The following OVCH1 variants were observed in gnomAD, a reference collection of about 807,000 sequenced individuals.
OVCH1 encodes ovochymase 1, also known as ovochymase-1.
OVCH1 carries 139 observed loss-of-function variants against 138.4 expected under a neutral mutation model. That is an observed-to-expected ratio of 1.00 (90% CI 0.87 to 1.16). The LOEUF is 1.16. OVCH1 is among the 50% of genes most tolerant of loss of function. The pLI, the probability that OVCH1 is intolerant of heterozygous loss-of-function variation, is 0.00. For synonymous variants in OVCH1, 453 were observed against 467.8 expected (o/e 0.97, Z 0.41); for missense variants, 1,367 against 1,357.9 (o/e 1.01, Z -0.11).
chr12:29,469,789 C>T (rs1281151742), intron 16 of OVCH1, among the ~76,000 whole-genome samples: 1 of 151,914 alleles, frequency 6.6e-6, no homozygotes. Flanking sequence ...TGGGAGGATC[C>T]CTTGAGCCCC....
In OVCH1 at chr12:29,477,109, A is replaced by G. The variant is rs781727670; in HGVS notation, c.1370T>C (p.Ile457Thr). The change falls in exon 12 of 28, where the codon ATT becomes ACT. Residue 457 changes from isoleucine to threonine, a missense_variant. Physicochemically the swap from Ile to Thr is moderately conservative, Grantham distance 89 (BLOSUM62 -1). Coordinates refer to ENST00000318184, the Ensembl canonical transcript of OVCH1. ...GATTCCTCAGTTGCCTACCTTTATA[A>G]TGTGCTTCTCTGGAGCACAAATGAA... 3.1e-6 allele frequency: 5 copies of G among 1,606,712 alleles called. No homozygotes were observed. The Admixed American group carries it at 8.5e-5, about 27-fold the overall frequency.
intron 21 of OVCH1, among the ~76,000 whole-genome samples, chr12:29,452,648 T>C (rs965500048): frequency 6.6e-6 from 1 of 152,210 alleles, no homozygotes; most frequent in African/African-American, 2.4e-5. Flanking sequence ...GTCTTTCTAA[T>C]CTTTTTAGTT....
At chr12:29,438,759 A>T (rs1941411507) in intron 26 of OVCH1, among the ~76,000 whole-genome samples, 2 of 152,190 alleles carry the variant, frequency 1.3e-5, no homozygotes, top group African/African-American at 4.8e-5. Context: ...TATGGTTTTA[A>T]GATTACAATT....
At chr12:29,487,384 GA>G (rs1290405429) in intron 7 of OVCH1, 8 of 227,870 alleles carry the variant, frequency 3.5e-5, no homozygotes, top group Middle Eastern at 1.4e-3. Context: ...GTAGTACAGA[GA>G]AAAATCATGC....
intron 1 of OVCH1, 138 bp from the exon 2 acceptor site, chr12:29,496,812 CT>C: frequency 1.6e-6 from 1 of 629,872 alleles, no homozygotes; most frequent in South Asian, 2.3e-5. Context: ...ACATTCTTCT[CT>C]CAATATTTTC....
intron 19 of OVCH1, among the ~76,000 whole-genome samples, chr12:29,460,334 T>C (rs1272061645): frequency 1.3e-5 from 2 of 152,182 alleles, no homozygotes; most frequent in Admixed American, 1.3e-4. Flanking sequence ...AGAAAAGCCA[T>C]CCCTCAAATC....
chr12:29,485,317 T>TA (rs869216306), intron 8 of OVCH1, among the ~76,000 whole-genome samples: 5,684 of 89,670 alleles, frequency 0.063, 353 homozygotes, highest in African/African-American at 0.15. Context: ...ACCCAGTCTT[T>TA]AAAAAAAAAA....
intron 25 of OVCH1, chr12:29,439,484 GCAAAAAACAAAAAA>G (rs1271243179): frequency 1.4e-6 from 2 of 1,382,460 alleles, no homozygotes; most frequent in Admixed American, 3.1e-5. Flanking sequence ...AAAACAAAAA[GCAAAAAACAAAAAA>G]CAAACTTCTC....
At chr12:29,483,872 CA>C (rs1467980930) in intron 8 of OVCH1, among the ~76,000 whole-genome samples, 1 of 152,308 alleles carries the variant, frequency 6.6e-6, no homozygotes, top group African/African-American at 2.4e-5. Flanking sequence ...TATCTCTCCC[CA>C]CACTTCTAAC....
chr12:29,496,452 G>T, intron 2 of OVCH1, 104 bp downstream of exon 2: 1 of 1,163,256 alleles, frequency 8.6e-7, no homozygotes, highest in Non-Finnish European at 1.2e-6. Context: ...GAGCTAGAGG[G>T]GTTCAGGAGA....
exon 20 of OVCH1, chr12:29,455,276 A>G (rs1314252655): frequency 6.2e-7 from 1 of 1,613,670 alleles, no homozygotes; most frequent in Non-Finnish European, 8.5e-7. Flanking sequence ...ATCCAGTCCA[A>G]GAAGATCATC....
intron 1 of OVCH1, 35 bp downstream of exon 1, chr12:29,497,588 C>T (rs780815779): frequency 2.0e-5 from 33 of 1,611,296 alleles, no homozygotes; most frequent in Non-Finnish European, 1.0e-5. Context: ...GCTCAGCCTC[C>T]TCCGCAGTCC....
In OVCH1 at chr12:29,496,162, A is replaced by G. The variant is rs1272843105; in HGVS notation, c.281+19T>C. The stretch of plus-strand genomic sequence containing the variant: ...GCCAGGAATCAAGGCCTGACAAGTA[A>G]TGGAAATCCACAACTTACTCACTGA... On this transcript the variant is annotated intron_variant, in intron 3 of 27. Coordinates refer to ENST00000318184, the Ensembl canonical transcript of OVCH1. 3.2e-6 allele frequency: 5 copies of G among 1,577,798 alleles called. No homozygotes were observed. Among genetic ancestry groups the G allele is most frequent in the Non-Finnish European group, 4.3e-6 (5 of 1,154,748 alleles).
intron 24 of OVCH1, 97 bp downstream of exon 24, chr12:29,444,048 G>A (rs1941552806): frequency 1.3e-5 from 18 of 1,350,708 alleles, no homozygotes; most frequent in Non-Finnish European, 1.8e-5. Context: ...TGGAAAAAAG[G>A]TGAAGAATAA....
At chr12:29,406,924 AGTG>A in the OVCH1 span, among the ~76,000 whole-genome samples, 2 of 138,860 alleles carry the variant, frequency 1.4e-5, no homozygotes, top group African/African-American at 5.3e-5. Flanking sequence ...TCCCACCAAC[AGTG>A]TAAAAGTGTT....
At chr12:29,487,443 G>T (rs1027999656) in intron 7 of OVCH1, 5 of 375,092 alleles carry the variant, frequency 1.3e-5, no homozygotes, top group Non-Finnish European at 2.4e-5. Flanking sequence ...TATTCTCAAG[G>T]TCTATTAATA....
intron 8 of OVCH1, among the ~76,000 whole-genome samples, chr12:29,482,120 C>T (rs551491322): frequency 6.6e-6 from 1 of 152,302 alleles, no homozygotes; most frequent in South Asian, 2.1e-4. Flanking sequence ...TCCAATGGCT[C>T]TCTAGCTCCT....
chr12:29,474,625 A>T (rs761885974), intron 14 of OVCH1, among the ~76,000 whole-genome samples: 1 of 152,142 alleles, frequency 6.6e-6, no homozygotes, highest in Non-Finnish European at 1.5e-5. Context: ...TACGTTGTCC[A>T]TTCTCTTTTG....
chr12:29,491,475 G>A (rs1246445536), intron 4 of OVCH1, among the ~76,000 whole-genome samples: 4 of 152,170 alleles, frequency 2.6e-5, no homozygotes, highest in Non-Finnish European at 5.9e-5. Flanking sequence ...TTTTGAAAGG[G>A]TAGTTTTTCA....
Sources: allele counts gnomAD v4.1 joint callset (sites outside exome capture counted in the v4.1 genomes callset), GRCh38; gene constraint gnomAD v4.1.1; transcripts MANE v1.5; gene names NCBI Gene and HGNC (gene_info 2026-07-23, HGNC 2026-07-21).